Variants in GSE1 observed in about 807,000 individuals in gnomAD.
The protein encoded by GSE1 is genetic suppressor element 1.
In GSE1, 32 loss-of-function variants were observed where a neutral mutation model predicts 112.6. The observed-to-expected ratio is 0.28, with a 90% confidence interval of 0.21 to 0.38. The LOEUF is 0.38. Ranked by LOEUF, GSE1 falls within the 10% of genes least tolerant of loss-of-function variation. The probability of loss-of-function intolerance (pLI) is 1.00; values close to 1 mark genes in which losing one functional copy is unlikely to be tolerated. For missense variants in GSE1, 2,348 were observed against 1,699.2 expected (o/e 1.38, Z -6.71); for synonymous variants, 1,115 against 735.6 (o/e 1.52, Z -8.35).
chr16:85,440,905 C>A (rs1434216959), intron 2 of GSE1, among the ~76,000 whole-genome samples: 2 of 152,228 alleles, frequency 1.3e-5, no homozygotes, highest in African/African-American at 4.8e-5. Flanking sequence ...CCGGAGTCCT[C>A]ACCCATCATG....
chr16:85,238,051 T>A lies in GSE1; in HGVS notation c.2283+66244T>A, dbSNP rs193275834. Among the ~76,000 whole-genome samples the A allele has an allele frequency of 2.5e-3, 386 of 152,132 alleles. 3 individuals carry two copies. Among genetic ancestry groups the A allele is most frequent in the African/African-American group, 8.9e-3 (369 of 41,496 alleles). The stretch of plus-strand genomic sequence containing the variant: ...AGGGCTTGGCCCTGGGTAGGGGCAG[T>A]GGAGAGAGGAGGGCAGTGAGGAGCT... On this transcript the variant is annotated intron_variant, in intron 1 of 2. Coordinates refer to the GSE1 transcript ENST00000637419.
chr16:85,639,931 C>T (rs2050306075), intron 2 of GSE1, among the ~76,000 whole-genome samples: 1 of 151,952 alleles, frequency 6.6e-6, no homozygotes, highest in Admixed American at 6.5e-5. Context: ...CTCCAGGAGG[C>T]ACAGGCAGCA....
chr16:85,362,083 C>G (rs1315621706), intron 2 of GSE1, among the ~76,000 whole-genome samples: 1 of 152,150 alleles, frequency 6.6e-6, no homozygotes, highest in African/African-American at 2.4e-5. Context: ...GCTGGGGACT[C>G]TGCCCTCCTG....
chr16:85,572,909 G>A (rs1383372331), intron 1 of GSE1, among the ~76,000 whole-genome samples: 4 of 152,284 alleles, frequency 2.6e-5, no homozygotes, highest in African/African-American at 4.8e-5. Context: ...GCCCTCTGTC[G>A]CCCAGACTGG....
intron 1 of GSE1, among the ~76,000 whole-genome samples, chr16:85,597,760 T>G (rs774856878): frequency 6.6e-6 from 1 of 152,196 alleles, no homozygotes; most frequent in Non-Finnish European, 1.5e-5. Context: ...CATGATCCAC[T>G]GCGCCTGGCT....
intron 1 of GSE1, among the ~76,000 whole-genome samples, chr16:85,352,584 T>TGCAG (rs1327626081): frequency 1.3e-5 from 2 of 152,216 alleles, no homozygotes; most frequent in African/African-American, 4.8e-5. Context: ...ACAGCACATA[T>TGCAG]GCAGGTTTCA....
chr16:85,535,310 G>T (rs2044287568), intron 2 of GSE1, among the ~76,000 whole-genome samples: 2 of 152,246 alleles, frequency 1.3e-5, no homozygotes, highest in Non-Finnish European at 2.9e-5. Flanking sequence ...CGGGGAACGA[G>T]GTGCTCGTCT....
chr16:85,663,594 T>G lies in GSE1; in HGVS notation c.2624T>G (p.Ile875Ser), dbSNP rs762113524. The G allele has an allele frequency of 6.2e-6, 10 of 1,613,496 alleles. No homozygotes were observed. The highest frequency in any genetic ancestry group is 8.5e-6 in the Non-Finnish European group (10 of 1,179,950). ...KFLTIFNLTH[I>S]SAEKRKDKER... ...CTGACCATCTTCAACCTGACCCACA[T>G]CAGCGCTGAGAAGAGGAAAGGTAGG... The change falls in exon 11 of 16, where the codon ATC (isoleucine) becomes AGC (serine). Residue 875 changes from isoleucine to serine, a missense_variant. Ile to Ser is a moderately radical substitution (Grantham distance 142, BLOSUM62 -2). Transcript: ENST00000253458.
chr16:85,202,569 G>C (rs896221341), intron 1 of GSE1, among the ~76,000 whole-genome samples: 2 of 152,222 alleles, frequency 1.3e-5, no homozygotes, highest in Non-Finnish European at 2.9e-5. Context: ...GGGCTCACCC[G>C]AGGCAGAACC....
At chr16:85,382,544 G>C (rs2047571424) in intron 2 of GSE1, among the ~76,000 whole-genome samples, 1 of 152,188 alleles carries the variant, frequency 6.6e-6, no homozygotes, top group Non-Finnish European at 1.5e-5. Flanking sequence ...AGACAGCAGA[G>C]CCCTTGAAAG....
intron 1 of GSE1, among the ~76,000 whole-genome samples, chr16:85,183,215 T>A (rs1017270056): frequency 6.6e-6 from 1 of 152,026 alleles, no homozygotes; most frequent in Non-Finnish European, 1.5e-5. Context: ...ATGCACACAC[T>A]CCCACACACC....
chr16:85,558,656 A>G (rs2045357450), intron 1 of GSE1, among the ~76,000 whole-genome samples: 2 of 152,196 alleles, frequency 1.3e-5, no homozygotes, highest in Non-Finnish European at 2.9e-5. Flanking sequence ...TCGGGGCACA[A>G]GTAAATCTCA....
At chr16:85,246,417 AC>A (rs1905778954) in intron 1 of GSE1, among the ~76,000 whole-genome samples, 1 of 119,418 alleles carries the variant, frequency 8.4e-6, no homozygotes, top group Non-Finnish European at 1.7e-5. Context: ...ACACACACAC[AC>A]ACACCCCATG....
At chr16:85,331,219 A>ATCGG (rs2046333093) in intron 1 of GSE1, among the ~76,000 whole-genome samples, 1 of 149,950 alleles carries the variant, frequency 6.7e-6, no homozygotes, top group African/African-American at 2.4e-5. Context: ...GTGGCACGAT[A>ATCGG]TCGGCTCACT....
intron 1 of GSE1, among the ~76,000 whole-genome samples, chr16:85,233,595 GTCTGCATGTGTGGCC>G (rs1357546289): frequency 6.6e-6 from 1 of 152,174 alleles, no homozygotes; most frequent in Non-Finnish European, 1.5e-5. Context: ...TCCACGTGGC[GTCTGCATGTGTGGCC>G]TCTGCATGTG....
chr16:85,399,417 CA>C (rs1249095413), intron 2 of GSE1, among the ~76,000 whole-genome samples: 2 of 152,152 alleles, frequency 1.3e-5, no homozygotes, highest in Non-Finnish European at 2.9e-5. Flanking sequence ...TAATGCATTC[CA>C]AAAAGTAGAA....
At chr16:85,183,797 A>C (rs1369105972) in intron 1 of GSE1, among the ~76,000 whole-genome samples, 3 of 152,188 alleles carry the variant, frequency 2.0e-5, no homozygotes, top group Non-Finnish European at 4.4e-5. Context: ...ACACGTGCCA[A>C]GGTCAGAGCT....
intron 2 of GSE1, among the ~76,000 whole-genome samples, chr16:85,531,061 A>C (rs2044119836): frequency 6.6e-6 from 1 of 152,244 alleles, no homozygotes; most frequent in Non-Finnish European, 1.5e-5. Context: ...GATGCCATGC[A>C]CACACCTTTG....
At chr16:85,639,705 G>A (rs2050286340) in intron 2 of GSE1, among the ~76,000 whole-genome samples, 1 of 152,268 alleles carries the variant, frequency 6.6e-6, no homozygotes, top group African/African-American at 2.4e-5. Context: ...CAGCTGTCGG[G>A]CCTGCCCAGT....
Sources: allele counts gnomAD v4.1 joint callset (sites outside exome capture counted in the v4.1 genomes callset), GRCh38; gene constraint gnomAD v4.1.1; transcripts MANE v1.5; gene names NCBI Gene and HGNC (gene_info 2026-07-23, HGNC 2026-07-21).